The following TRIO variants were observed in gnomAD, a reference collection of about 807,000 sequenced individuals.
TRIO encodes trio Rho guanine nucleotide exchange factor, also known as triple functional domain protein.
Under a neutral mutation model 351.9 loss-of-function variants are expected in TRIO, and 58 were observed. The observed-to-expected ratio is 0.16, with a 90% CI of 0.13 to 0.21. TRIO has a LOEUF of 0.21. Among genes scored for constraint, TRIO ranks in the 10% least tolerant of loss-of-function variants. The probability of loss-of-function intolerance (pLI) is 1.00; values close to 1 mark genes in which losing one functional copy is unlikely to be tolerated. For missense variants in TRIO, 3,201 were observed against 4,027.8 expected, an observed-to-expected ratio of 0.79 and a Z score of 5.56; for synonymous variants, 1,758 against 1,595.7, an observed-to-expected ratio of 1.10 and a Z score of -2.42.
Position 14,387,781 on chromosome 5 carries a change from A to C in TRIO, c.3815A>C (p.Glu1272Ala). The C allele has an allele frequency of 6.2e-7, 1 of 1,614,220 alleles. No individual in the cohort carries two copies. The highest frequency in any genetic ancestry group is 8.5e-7 in the Non-Finnish European group (1 of 1,180,028). ...ATTCCAGCCAGTATCCCTGGCTCAG[A>C]GGTGAAACTTCGAGATGCTGCTCAT... Reference protein sequence around the residue: ...DIIPASIPGSEVKLRDAAHEL... With the variant: ...DIIPASIPGSAVKLRDAAHEL... Residue 1272 changes from glutamate to alanine, a missense_variant, in exon 23 of 57, where the codon GAG becomes GCG. By Grantham distance (107) the Glu-to-Ala change is moderately radical. Transcript: ENST00000344204.
intron 41 of TRIO, among the ~76,000 whole-genome samples, chr5:14,478,323 A>C (rs1755245212): frequency 6.6e-6 from 1 of 152,224 alleles, no homozygotes; most frequent in African/African-American, 2.4e-5. Flanking sequence ...TGTGGCAGTG[A>C]AGAGTTTTTG....
chr5:14,294,487 C>T lies in TRIO; in HGVS notation c.1176+1353C>T, dbSNP rs780266084. Among the ~76,000 whole-genome samples the T allele has an allele frequency of 7.6e-4, 116 of 152,296 alleles. 1 individual carries two copies. The highest frequency in any genetic ancestry group is 3.5e-3 in the Admixed American group (53 of 15,294). On this transcript the variant is annotated intron_variant, in intron 6 of 56. Coordinates refer to ENST00000344204, the MANE Select transcript of TRIO (RefSeq NM_007118.4). ...CTGAAACTTTTGGCAAGAGACCATT[C>T]AGTCTGCTATGCCACATACTTTAAA...
chr5:14,323,255 C>G (rs1276893440), intron 9 of TRIO, among the ~76,000 whole-genome samples: 2 of 152,080 alleles, frequency 1.3e-5, no homozygotes, highest in African/African-American at 4.8e-5. Context: ...GAATTTGAAG[C>G]TGGAGCCCCC....
In TRIO at chr5:14,488,020, G is replaced by T. The variant is rs768518760; in HGVS notation, c.7392G>T (p.Ala2464=). The change falls in exon 48 of 57, where the codon GCG becomes GCT. Residue 2464 remains alanine, a synonymous_variant. Coordinates refer to ENST00000344204, the MANE Select transcript of TRIO (RefSeq NM_007118.4). The part of the protein sequence containing the change: ...ASPLNSPLSS[A]VPSLGKEPFP... Reference sequence around the variant, plus strand: ...CGCTGAACTCGCCGCTCTCCAGCGCGGTCCCTTCTCTCGGCAAGGAGCCCT... The same window carrying T: ...CGCTGAACTCGCCGCTCTCCAGCGCTGTCCCTTCTCTCGGCAAGGAGCCCT... The T allele has an allele frequency of 3.8e-6, 6 of 1,595,556 alleles. No individual in the cohort carries two copies. The East Asian group carries it at 1.4e-4, about 37-fold the overall frequency.
At chr5:14,420,131 G>T in intron 34 of TRIO, 110 bp downstream of exon 34, 1 of 1,494,728 alleles carries the variant, frequency 6.7e-7, no homozygotes, top group Non-Finnish European at 9.0e-7. Context: ...CTTGTCAGCT[G>T]TGCCTTCAGC....
At chr5:14,348,482 T>C (rs78692371) in intron 11 of TRIO, among the ~76,000 whole-genome samples, 16,076 of 152,330 alleles carry the variant, frequency 0.11, 1,548 homozygotes, top group African/African-American at 0.26. Context: ...TGCTTGTGTG[T>C]GCGTGTGTCT....
intron 10 of TRIO, among the ~76,000 whole-genome samples, chr5:14,335,555 G>A (rs1041057355): frequency 2.0e-5 from 3 of 152,180 alleles, no homozygotes; most frequent in African/African-American, 4.8e-5. Context: ...CCCACTTACA[G>A]CCTCAGATTA....
chr5:14,416,257 C>T (rs568954415), intron 33 of TRIO, among the ~76,000 whole-genome samples: 1 of 150,726 alleles, frequency 6.6e-6, no homozygotes, highest in African/African-American at 2.4e-5. Flanking sequence ...GCACTGCTTC[C>T]TCAAAATAGT....
rs544928581 is a variant in TRIO, at chr5:14,409,495, C to T, written c.4959+2823C>T. On this transcript the variant is annotated intron_variant, in intron 33 of 56. Transcript: ENST00000344204. Reference sequence around the variant, plus strand: ...ATGATTCACCAGTTTCTCTTGACCTCATCTGATGTGTTGTCCCTAAACTTC... The same window carrying T: ...ATGATTCACCAGTTTCTCTTGACCTTATCTGATGTGTTGTCCCTAAACTTC... 4.2e-4 allele frequency among the ~76,000 whole-genome samples: 64 copies of T among 152,156 alleles called. 1 individual carries two copies. Among genetic ancestry groups the T allele is most frequent in the African/African-American group, 1.1e-3 (45 of 41,508 alleles).
At chr5:14,506,310 C>T (rs985055251) in intron 55 of TRIO, among the ~76,000 whole-genome samples, 4 of 152,250 alleles carry the variant, frequency 2.6e-5, no homozygotes, top group African/African-American at 9.6e-5. Context: ...TGACAGATTA[C>T]TCCTGTTCTC....
chr5:14,324,024 T>C (rs547338766), intron 9 of TRIO, among the ~76,000 whole-genome samples: 1 of 152,332 alleles, frequency 6.6e-6, no homozygotes, highest in African/African-American at 2.4e-5. Flanking sequence ...ATCCCTAAAA[T>C]ACCATTGATT....
Position 14,387,645 on chromosome 5 carries a change from G to T in TRIO, c.3765+13G>T, listed in dbSNP as rs1036620871. 1.2e-6 allele frequency: 2 copies of T among 1,609,050 alleles called. No individual in the cohort carries two copies. The highest frequency in any genetic ancestry group is 2.7e-5 in the African/African-American group (2 of 74,712). On this transcript the variant is annotated intron_variant, in intron 22 of 56. Transcript: ENST00000344204. ...TTCCAACAAATCGGTAAATGGCCTT[G>T]TGCAAACTGAATAAATTATGGTCTT...
Position 14,304,704 on chromosome 5 carries a change from C to T in TRIO, c.1500+112C>T, listed in dbSNP as rs115116719. The T allele has an allele frequency of 0.015, 18,391 of 1,229,176 alleles. 143 individuals are homozygous for T. The highest frequency in any genetic ancestry group is 0.018 in the Non-Finnish European group (15,595 of 881,840). The allele number at this position is 1,229,176 out of a possible 1,614,324, so 76.1% of individuals were successfully genotyped here. On this transcript the variant is annotated intron_variant, in intron 8 of 56. Transcript: ENST00000344204. Reference sequence around the variant, plus strand: ...TAGCCCAGAAAAAGTTTATAGATTTCGAGTTAGACTGCAGTTTAATTGTTT... The same window carrying T: ...TAGCCCAGAAAAAGTTTATAGATTTTGAGTTAGACTGCAGTTTAATTGTTT...
chr5:14,335,792 C>A (rs560207254), intron 10 of TRIO, among the ~76,000 whole-genome samples: 1 of 152,100 alleles, frequency 6.6e-6, no homozygotes, highest in South Asian at 2.1e-4. Flanking sequence ...TTGCAAACCC[C>A]CATCTCTCCT....
At chr5:14,287,619 A>T (rs955448004) in intron 4 of TRIO, among the ~76,000 whole-genome samples, 23 of 152,090 alleles carry the variant, frequency 1.5e-4, no homozygotes, top group African/African-American at 5.3e-4. Context: ...TAAAAACAAG[A>T]CAAAACCCTC....
At chr5:14,405,624 T>C (rs1748637589) in intron 31 of TRIO, among the ~76,000 whole-genome samples, 1 of 152,146 alleles carries the variant, frequency 6.6e-6, no homozygotes, top group African/African-American at 2.4e-5. Flanking sequence ...TAGTCAGAGA[T>C]CTGGAGTAAT....
intron 1 of TRIO, among the ~76,000 whole-genome samples, chr5:14,226,099 CG>C (rs1793005367): frequency 6.6e-6 from 1 of 152,010 alleles, no homozygotes; most frequent in East Asian, 1.9e-4. Flanking sequence ...TGGTTAATGC[CG>C]GAGCTCACAC....
chr5:14,159,631 C>T (rs1296357988), intron 1 of TRIO, among the ~76,000 whole-genome samples: 6 of 151,052 alleles, frequency 4.0e-5, no homozygotes, highest in Admixed American at 6.6e-5. Flanking sequence ...TGCAGTGGCA[C>T]GACCTCGGCT....
chr5:14,399,159 T>A, intron 30 of TRIO, 89 bp downstream of exon 30: 1 of 1,226,748 alleles, frequency 8.2e-7, no homozygotes, highest in Non-Finnish European at 1.2e-6. Flanking sequence ...TTGTCTTCAG[T>A]TTAACCTCCC....
Sources: gnomAD v4.1 joint callset for allele counts (sites outside exome capture counted in the v4.1 genomes callset) on GRCh38, gnomAD v4.1.1 for gene constraint, MANE v1.5 for transcripts, NCBI Gene and HGNC (gene_info 2026-07-23, HGNC 2026-07-21) for gene names.